The following MSH3 variants were observed in gnomAD, a reference collection of about 807,000 sequenced individuals.
MSH3 encodes DNA mismatch repair protein Msh3.
Under a neutral mutation model 123.3 loss-of-function variants are expected in MSH3, and 106 were observed. The ratio of observed to expected loss-of-function variants is 0.86; its 90% CI spans 0.73 to 1.01. The LOEUF is 1.01. Ranked by LOEUF, MSH3 falls within the 50% of genes least tolerant of loss-of-function variation. The probability of loss-of-function intolerance (pLI) is 0.00; values close to 1 mark genes in which losing one functional copy is unlikely to be tolerated. For synonymous variants in MSH3, 515 were observed against 481.4 expected, an observed-to-expected ratio of 1.07 and a Z score of -0.91; for missense variants, 1,459 against 1,347.6, an observed-to-expected ratio of 1.08 and a Z score of -1.29.
intron 10 of MSH3, among the ~76,000 whole-genome samples, 196 bp from the exon 11 acceptor site, chr5:80,741,268 C>G (rs1236085415): frequency 3.3e-5 from 5 of 151,954 alleles, no homozygotes; most frequent in Non-Finnish European, 7.4e-5. Flanking sequence ...CTTTGTCTTG[C>G]ATCAATCTAC....
intron 2 of MSH3, among the ~76,000 whole-genome samples, chr5:80,662,782 G>A (rs551965573): frequency 5.9e-5 from 9 of 151,714 alleles, no homozygotes; most frequent in South Asian, 4.2e-4. Context: ...AGCCGAGATC[G>A]CGCCATTGCA....
chr5:80,767,934 G>A lies in MSH3; in HGVS notation c.1898G>A (p.Cys633Tyr), dbSNP rs1561471261. The A allele has an allele frequency of 6.2e-7, 1 of 1,603,446 alleles. No individual in the cohort carries two copies. The change falls in exon 14 of 24, where the codon TGT becomes TAT. Residue 633 changes from cysteine to tyrosine, a missense_variant and splice_region_variant. Physicochemically the swap from Cys to Tyr is radical, Grantham distance 194. Transcript: ENST00000265081. ...CATAAAAAATATTTCTATTTTCAGT[G>A]TTCTACCCAAGAGTTCTTCTTGATT... ...RGLCSIYHKKCSTQEFFLIVK... is the reference protein window; with the variant it reads ...RGLCSIYHKKYSTQEFFLIVK...
At chr5:80,709,396 G>A (rs982096227) in intron 8 of MSH3, among the ~76,000 whole-genome samples, 2 of 152,186 alleles carry the variant, frequency 1.3e-5, no homozygotes, top group African/African-American at 4.8e-5. Context: ...GCCAAGGTGG[G>A]CGGATCACGA....
intron 15 of MSH3, among the ~76,000 whole-genome samples, chr5:80,770,631 C>A (rs527853485): frequency 6.6e-6 from 1 of 152,272 alleles, no homozygotes; most frequent in East Asian, 1.9e-4. Flanking sequence ...AAGCACAAAT[C>A]CAGCCCACTT....
chr5:80,822,230 G>A (rs901102035), intron 20 of MSH3, among the ~76,000 whole-genome samples: 1 of 152,176 alleles, frequency 6.6e-6, no homozygotes, highest in Admixed American at 6.5e-5. Flanking sequence ...ATAGTCAAGA[G>A]AATCAGACAT....
intron 8 of MSH3, among the ~76,000 whole-genome samples, chr5:80,705,788 G>A (rs1750710208): frequency 6.6e-6 from 1 of 152,144 alleles, no homozygotes; most frequent in Admixed American, 6.5e-5. Context: ...TTTCCTCCAT[G>A]CATGTCTCTG....
At chr5:80,770,770 A>G (rs1223137823) in intron 15 of MSH3, among the ~76,000 whole-genome samples, 1 of 152,232 alleles carries the variant, frequency 6.6e-6, no homozygotes, top group Non-Finnish European at 1.5e-5. Context: ...TTTAGAGCTC[A>G]TAGTATTCAA....
At chr5:80,677,860 A>G (rs1749877816) in intron 7 of MSH3, among the ~76,000 whole-genome samples, 1 of 152,186 alleles carries the variant, frequency 6.6e-6, no homozygotes, top group African/African-American at 2.4e-5. Flanking sequence ...ATTTCATTTT[A>G]TGATCTACAG....
chr5:80,770,337 A>T (rs1350266962), intron 15 of MSH3, among the ~76,000 whole-genome samples: 1 of 151,602 alleles, frequency 6.6e-6, no homozygotes, highest in Non-Finnish European at 1.5e-5. Flanking sequence ...TACATGCTAT[A>T]CGACCATGGA....
At chr5:80,661,727 T>C (rs1749439386) in intron 2 of MSH3, among the ~76,000 whole-genome samples, 1 of 152,236 alleles carries the variant, frequency 6.6e-6, no homozygotes, top group African/African-American at 2.4e-5. Flanking sequence ...GTCTAGTAAC[T>C]AATTATTTGG....
chr5:80,812,738 T>G (rs574570763), intron 19 of MSH3, among the ~76,000 whole-genome samples: 5 of 152,122 alleles, frequency 3.3e-5, no homozygotes, highest in African/African-American at 1.2e-4. Flanking sequence ...CAGCTAATTT[T>G]TGTATAGTTG....
At position 80,804,859 on chromosome 5, in the gene MSH3, A is replaced by G. The variant is rs929352639; in HGVS notation, c.2656-8725A>G. On this transcript the variant is annotated intron_variant, in intron 19 of 23. Transcript: ENST00000265081. Reference sequence around the variant, plus strand: ...CCAGCCTGAAGGGCTATCATTGTTTATACCACCATGCCTGGCAATAGTGAA... The same window carrying G: ...CCAGCCTGAAGGGCTATCATTGTTTGTACCACCATGCCTGGCAATAGTGAA... 4.6e-5 allele frequency among the ~76,000 whole-genome samples: 7 copies of G among 151,828 alleles called. No homozygotes were observed. In the East Asian group the frequency reaches 9.7e-4, roughly 21 times the overall value.
chr5:80,697,805 A>G (rs1035243444), intron 8 of MSH3, among the ~76,000 whole-genome samples: 2 of 152,330 alleles, frequency 1.3e-5, no homozygotes, highest in East Asian at 1.9e-4. Context: ...TCCATTTTTT[A>G]TAGTAGCTCA....
At chr5:80,798,195 G>A (rs1290780557) in intron 19 of MSH3, among the ~76,000 whole-genome samples, 1 of 152,122 alleles carries the variant, frequency 6.6e-6, no homozygotes. Flanking sequence ...AGAATTCACA[G>A]CCCAGGTGTT....
intron 12 of MSH3, among the ~76,000 whole-genome samples, chr5:80,750,826 A>G (rs1743821401): frequency 1.3e-5 from 2 of 152,138 alleles, no homozygotes; most frequent in African/African-American, 2.4e-5. Context: ...TAGTCTTTGT[A>G]CTTCGTGGTC....
intron 7 of MSH3, among the ~76,000 whole-genome samples, chr5:80,677,338 G>T (rs1327590915): frequency 1.3e-5 from 2 of 152,168 alleles, no homozygotes; most frequent in Non-Finnish European, 2.9e-5. Context: ...GTTTCTCAGT[G>T]TGATACATAT....
intron 20 of MSH3, among the ~76,000 whole-genome samples, chr5:80,827,319 T>C (rs1745337324): frequency 6.6e-6 from 1 of 152,216 alleles, no homozygotes; most frequent in Non-Finnish European, 1.5e-5. Flanking sequence ...AACTCCCTCT[T>C]CTGACACCCA....
chr5:80,760,830 C>A (rs1744019955), intron 12 of MSH3, among the ~76,000 whole-genome samples: 1 of 152,102 alleles, frequency 6.6e-6, no homozygotes, highest in Non-Finnish European at 1.5e-5. Flanking sequence ...AAAGCTTATT[C>A]AGGAAGTTTT....
chr5:80,655,385 A>G (rs1030849955), intron 1 of MSH3: 1 of 232,312 alleles, frequency 4.3e-6, no homozygotes, highest in East Asian at 6.2e-5. Context: ...CCAGTTTTTA[A>G]GACTGCAACA....
Sources: gnomAD v4.1 joint callset for allele counts (sites outside exome capture counted in the v4.1 genomes callset) on GRCh38, gnomAD v4.1.1 for gene constraint, MANE v1.5 for transcripts, NCBI Gene and HGNC (gene_info 2026-07-23, HGNC 2026-07-21) for gene names.